Variants in SMU1 observed in about 807,000 individuals in gnomAD.
The protein encoded by SMU1 is SMU1 DNA replication regulator and spliceosomal factor.
In SMU1, 2 loss-of-function variants were observed where a neutral mutation model predicts 62.0. That is an observed-to-expected ratio of 0.03 (90% CI 0.01 to 0.10). SMU1 has a LOEUF of 0.10. Among genes scored for constraint, SMU1 ranks in the 10% least tolerant of loss-of-function variants. SMU1 has a pLI of 1.00. For missense variants in SMU1, 227 were observed against 622.1 expected, an observed-to-expected ratio of 0.36 and a Z score of 6.76; for synonymous variants, 188 against 212.4, an observed-to-expected ratio of 0.89 and a Z score of 1.00.
At position 33,042,617 on chromosome 9, in the gene SMU1, C is replaced by T. The variant is rs41274007; in HGVS notation, c.*4676G>A. On this transcript the variant is annotated 3_prime_UTR_variant, in exon 12 of 12. Coordinates refer to ENST00000397149, the MANE Select transcript of SMU1 (RefSeq NM_018225.3). ...AACCTTGGCTACCATTGGAATTACC[C>T]GGGAAACATTAAAACACTCATCAGG... The T allele has an allele frequency of 0.04, 6,018 of 152,222 alleles. 148 individuals carry two copies. The highest frequency in any genetic ancestry group is 0.11 in the East Asian group (574 of 5,174). The allele number at this position is 152,222 out of a possible 1,614,324, so 9.4% of individuals were successfully genotyped here.
chr9:33,045,252 C>G lies in SMU1; in HGVS notation c.*2041G>C, dbSNP rs866775067. Reference sequence around the variant, plus strand: ...ATTTTTTTAGCATAAACTGTTTCCTCTAACTTAAACTTCTCTTAAGTGAAC... The same window carrying G: ...ATTTTTTTAGCATAAACTGTTTCCTGTAACTTAAACTTCTCTTAAGTGAAC... On this transcript the variant is annotated 3_prime_UTR_variant, in exon 12 of 12. Transcript: ENST00000397149. 28 of 152,176 alleles carry G rather than the reference C, an allele frequency of 1.8e-4. No individual in the cohort carries two copies. The highest frequency in any genetic ancestry group is 6.5e-4 in the African/African-American group (27 of 41,398). 9.4% of individuals were successfully genotyped at this position (152,176 alleles called of 1,614,324 possible).
chr9:33,048,176 T>A lies in SMU1; in HGVS notation c.1373A>T (p.Tyr458Phe). The A allele has an allele frequency of 1.9e-6, 3 of 1,614,112 alleles. No individual in the cohort carries two copies. Among genetic ancestry groups the A allele is most frequent in the Non-Finnish European group, 2.5e-6 (3 of 1,180,008 alleles). ...GAGCACAAAGTCCTCCCCTACACAGTAGATCCATTCACCACGGGGAGAGAG... is the reference window on the plus strand; with the variant it reads ...GAGCACAAAGTCCTCCCCTACACAGAAGATCCATTCACCACGGGGAGAGAG... Reference protein sequence around the residue: ...CALSPRGEWIYCVGEDFVLYC... With the variant: ...CALSPRGEWIFCVGEDFVLYC... Residue 458 changes from tyrosine to phenylalanine, a missense_variant, in exon 11 of 12, where the codon TAC (tyrosine) becomes TTC (phenylalanine). Physicochemically the swap from Tyr to Phe is conservative, Grantham distance 22 (BLOSUM62 3). Around this residue, in one of 5 missense-constraint regions of SMU1, gnomAD observed 25 missense variants for 116.2 expected, o/e 0.22. Transcript: ENST00000397149.
intron 3 of SMU1, 144 bp downstream of exon 3, chr9:33,071,596 T>A: frequency 1.2e-6 from 1 of 851,830 alleles, no homozygotes; most frequent in Non-Finnish European, 1.7e-6. Flanking sequence ...TCAGCCAACA[T>A]ATATAAACAG....
At chr9:33,051,135 A>T (rs1358980922) in intron 10 of SMU1, among the ~76,000 whole-genome samples, 3 of 72,360 alleles carry the variant, frequency 4.1e-5, no homozygotes, top group Admixed American at 1.4e-4. Flanking sequence ...AAAAAAAAAA[A>T]TAAAAATAAA....
In SMU1 at chr9:33,048,277, C is replaced by A; in HGVS notation, c.1291-19G>T. 6.2e-7 allele frequency: 1 copy of A among 1,607,644 alleles called. No individual in the cohort carries two copies. The highest frequency in any genetic ancestry group is 1.7e-5 in the Admixed American group (1 of 57,844). ...TGACAATCTAGATCACACCACACCC[C>A]AAGAAAAAAACATCAGGATTAGTAG... is the stretch of plus-strand genomic sequence containing the variant. On this transcript the variant is annotated intron_variant, in intron 10 of 11. Transcript: ENST00000397149.
In SMU1 at chr9:33,053,103, G is replaced by C. The variant is rs766276063; in HGVS notation, c.1290+20C>G. The C allele has an allele frequency of 1.2e-5, 20 of 1,610,340 alleles. No homozygotes were observed. The highest frequency in any genetic ancestry group is 1.7e-6 in the Non-Finnish European group (2 of 1,178,702). Reference sequence around the variant, plus strand: ...GAATGGCCCACAGTTCCTGTGCAAGGGTACGTTCTGAACACTCACCTGCCC... The same window carrying C: ...GAATGGCCCACAGTTCCTGTGCAAGCGTACGTTCTGAACACTCACCTGCCC... On this transcript the variant is annotated intron_variant, in intron 10 of 11. Transcript: ENST00000397149.
At chr9:33,061,478 G>A (rs1839360454) in intron 5 of SMU1, among the ~76,000 whole-genome samples, 2 of 152,088 alleles carry the variant, frequency 1.3e-5, no homozygotes, top group African/African-American at 4.8e-5. Flanking sequence ...CACAAATCCA[G>A]AGAAACTGTA....
intron 9 of SMU1, among the ~76,000 whole-genome samples, chr9:33,054,474 T>A (rs1447480461): frequency 6.6e-6 from 1 of 152,214 alleles, no homozygotes; most frequent in East Asian, 1.9e-4. Context: ...CACACACACA[T>A]GAGGAACTTT....
At chr9:33,068,998 T>G (rs1343425242) in intron 3 of SMU1, 64 bp from the exon 4 acceptor site, 2 of 1,563,970 alleles carry the variant, frequency 1.3e-6, no homozygotes, top group African/African-American at 2.7e-5. Flanking sequence ...GTGTGCTTAT[T>G]TAAAACAAAC....
At chr9:33,061,438 T>C (rs533250171) in intron 5 of SMU1, among the ~76,000 whole-genome samples, 7 of 152,224 alleles carry the variant, frequency 4.6e-5, no homozygotes, top group Admixed American at 4.6e-4. Context: ...TTGAGGAATA[T>C]GAAATATTTT....
intron 1 of SMU1, among the ~76,000 whole-genome samples, chr9:33,075,737 GA>G (rs1224480081): frequency 6.6e-6 from 1 of 151,570 alleles, no homozygotes; most frequent in South Asian, 2.1e-4. Context: ...TTCCTCCTAT[GA>G]AAAGTCTCCA....
At position 33,043,780 on chromosome 9, in the gene SMU1, T is replaced by C. The variant is rs753607276; in HGVS notation, c.*3513A>G. The C allele has an allele frequency of 3.7e-4, 56 of 152,262 alleles. No individual in the cohort carries two copies. Among genetic ancestry groups the C allele is most frequent in the Admixed American group, 2.6e-3 (39 of 15,282 alleles). 9.4% of individuals were successfully genotyped at this position (152,262 alleles called of 1,614,324 possible). Reference sequence around the variant, plus strand: ...GTTTTCAATGCGAGCTTCGTGCAAGTTGGACTGAGTTAGGTGCCTCACGTC... The same window carrying C: ...GTTTTCAATGCGAGCTTCGTGCAAGCTGGACTGAGTTAGGTGCCTCACGTC... On this transcript the variant is annotated 3_prime_UTR_variant, in exon 12 of 12. Coordinates refer to ENST00000397149, the MANE Select transcript of SMU1 (RefSeq NM_018225.3).
Position 33,062,196 on chromosome 9 carries a change from AT to A in SMU1, c.502-20del. ...TCAGTGCCTATGAGGAAAAAAAAAA[AT>A]ATAGCAATCTGTTCAGGTGCTTTTA... is the stretch of plus-strand genomic sequence containing the variant. On this transcript the variant is annotated intron_variant, in intron 4 of 11. Coordinates refer to ENST00000397149, the MANE Select transcript of SMU1 (RefSeq NM_018225.3). 2 of 1,604,666 alleles carry A rather than the reference AT, an allele frequency of 1.2e-6. No homozygotes were observed. The highest frequency in any genetic ancestry group is 1.1e-5 in the South Asian group (1 of 90,480).
intron 10 of SMU1, among the ~76,000 whole-genome samples, chr9:33,049,773 C>CACACACACACACACAA (rs1554680197): frequency 3.8e-4 from 57 of 151,712 alleles, no homozygotes; most frequent in Non-Finnish European, 5.3e-4. Context: ...TCCACACACA[C>CACACACACACACACAA]ACACACACAC....
At position 33,045,991 on chromosome 9, in the gene SMU1, G is replaced by C. The variant is rs769049591; in HGVS notation, c.*1302C>G. The C allele has an allele frequency of 1.3e-5, 2 of 152,218 alleles. No homozygotes were observed. The highest frequency in any genetic ancestry group is 1.3e-4 in the Admixed American group (2 of 15,278). 9.4% of individuals were successfully genotyped at this position (152,218 alleles called of 1,614,324 possible). A position where few individuals can be genotyped will look rare whatever the true frequency, so the allele number is the denominator to read the frequency against. On this transcript the variant is annotated 3_prime_UTR_variant, in exon 12 of 12. Transcript: ENST00000397149. Reference sequence around the variant, plus strand: ...TGCAGAAATAAGAACTCACGTTCTTGAAAGTACTGCCTAGCATGGTATCTT... The same window carrying C: ...TGCAGAAATAAGAACTCACGTTCTTCAAAGTACTGCCTAGCATGGTATCTT...
At chr9:33,071,308 T>C (rs1163654101) in intron 3 of SMU1, among the ~76,000 whole-genome samples, 2 of 152,188 alleles carry the variant, frequency 1.3e-5, no homozygotes, top group Non-Finnish European at 2.9e-5. Flanking sequence ...ACTATCATCA[T>C]GCTCTACTGG....
In SMU1 at chr9:33,053,204, C is replaced by A; in HGVS notation, c.1209G>T (p.Val403=). Residue 403 remains valine, a synonymous_variant, in exon 10 of 12, where the codon GTG becomes GTT. Coordinates refer to ENST00000397149, the MANE Select transcript of SMU1 (RefSeq NM_018225.3). ...TAGTDITVNS[V]ILLPKNPEHF... ...GCTCAGGGTTTTTAGGAAGTAGAAT[C>A]ACACTGTTGACGGTAATATCTGTCC... The A allele has an allele frequency of 6.2e-7, 1 of 1,612,392 alleles. No individual in the cohort carries two copies. Among genetic ancestry groups the A allele is most frequent in the South Asian group, 1.1e-5 (1 of 91,000 alleles).
intron 4 of SMU1, among the ~76,000 whole-genome samples, chr9:33,063,562 G>A (rs1004476128): frequency 5.9e-5 from 9 of 152,162 alleles, no homozygotes; most frequent in Admixed American, 3.3e-4. Flanking sequence ...ACTGGTCCAC[G>A]GCCTGTTAGG....
chr9:33,069,865 C>T (rs925082644), intron 3 of SMU1, among the ~76,000 whole-genome samples: 1 of 152,036 alleles, frequency 6.6e-6, no homozygotes, highest in Non-Finnish European at 1.5e-5. Context: ...GTGGCTCATG[C>T]CTGTCATCCT....
Sources: gnomAD v4.1 joint callset for allele counts (sites outside exome capture counted in the v4.1 genomes callset) on GRCh38, gnomAD v4.1.1 for gene constraint, gnomAD v4.1.1 regional missense constraint, MANE v1.5 for transcripts, NCBI Gene and HGNC (gene_info 2026-07-23, HGNC 2026-07-21) for gene names.